Variants in METTL16 observed in about 807,000 individuals in gnomAD.
The protein encoded by METTL16 is RNA N(6)-adenosine-methyltransferase METTL16.
A neutral mutation model predicts 57.9 loss-of-function variants in METTL16; 19 were observed. The observed-to-expected ratio is 0.33, with a 90% CI of 0.23 to 0.48. The LOEUF (loss-of-function observed/expected upper bound fraction) is 0.48, where lower values mean the gene tolerates loss of function less well. Among genes scored for constraint, METTL16 ranks in the 20% least tolerant of loss-of-function variants. METTL16 has a pLI of 0.99. For missense variants in METTL16, 434 were observed against 691.5 expected (o/e 0.63, Z 4.18); for synonymous variants, 246 against 255.6 (o/e 0.96, Z 0.36).
chr17:2,473,661 G>A lies in METTL16; in HGVS notation c.332C>T (p.Thr111Met), dbSNP rs775734797. ...STLRRGIDIG[T>M]GASCIYPLLG... ...TAAGGGGTAGATGCAAGATGCCCCC[G>A]TGCCTAATAAAATAAAAATACAAAA... The change falls in exon 4 of 10, where the codon ACG becomes ATG. Residue 111 changes from threonine to methionine, a missense_variant. By Grantham distance (81) the Thr-to-Met change is moderately conservative. Transcript: ENST00000263092. 71 of 1,610,672 alleles carry A rather than the reference G, an allele frequency of 4.4e-5. No homozygotes were observed. The Admixed American group carries it at 5.6e-4, about 13-fold the overall frequency.
Position 2,418,654 on chromosome 17 carries a change from AG to A in METTL16, c.*1315del, listed in dbSNP as rs1176827773. The A allele has an allele frequency of 6.6e-6, 1 of 152,424 alleles. No homozygotes were observed. Among genetic ancestry groups the A allele is most frequent in the Admixed American group, 6.5e-5 (1 of 15,278 alleles). 9.4% of individuals were successfully genotyped at this position (152,424 alleles called of 1,614,324 possible). On this transcript the variant is annotated 3_prime_UTR_variant, in exon 10 of 10. Coordinates refer to ENST00000263092, the MANE Select transcript of METTL16 (RefSeq NM_024086.4). ...CTGCCTTCTCCAGCTCCAGCTCCAC[AG>A]CCAAGTTAAGGCACAGCAGTTCCGC...
chr17:2,494,790 G>A (rs1306841807), intron 2 of METTL16, among the ~76,000 whole-genome samples: 4 of 151,914 alleles, frequency 2.6e-5, no homozygotes, highest in African/African-American at 7.3e-5. Context: ...ATGAGGTCAG[G>A]AGATCGAGAC....
chr17:2,486,356 A>C (rs1423690411), intron 2 of METTL16, among the ~76,000 whole-genome samples: 1 of 150,718 alleles, frequency 6.6e-6, no homozygotes, highest in South Asian at 2.1e-4. Flanking sequence ...ATTGCAACTT[A>C]CGCCTCCCGG....
At chr17:2,440,877 T>C (rs554930125) in intron 7 of METTL16, among the ~76,000 whole-genome samples, 23 of 142,352 alleles carry the variant, frequency 1.6e-4, no homozygotes, top group East Asian at 8.2e-4. Flanking sequence ...GAGGCTGAGG[T>C]AGGAGGATGG....
In METTL16 at chr17:2,420,409, C is replaced by T. The variant is rs2066755829; in HGVS notation, c.1250G>A (p.Gly417Asp). Reference sequence around the variant, plus strand: ...GCCCCTGGCCAGTTCTTGGCTATTGCCAGACTCTTTGGGGGTGGGCTTTTT... The same window carrying T: ...GCCCCTGGCCAGTTCTTGGCTATTGTCAGACTCTTTGGGGGTGGGCTTTTT... Reference protein sequence around the residue: ...EEKKPTPKESGNSQELARGPQ... With the variant: ...EEKKPTPKESDNSQELARGPQ... Residue 417 changes from glycine to aspartate, a missense_variant, in exon 10 of 10, where the codon GGC becomes GAC. By Grantham distance (94) the Gly-to-Asp change is moderately conservative. Transcript: ENST00000263092. The surrounding 1 kb of genome is among the most constrained non-coding windows in gnomAD (Gnocchi z 5.4). The T allele has an allele frequency of 6.2e-7, 1 of 1,613,958 alleles. No individual in the cohort carries two copies. The highest frequency in any genetic ancestry group is 8.5e-7 in the Non-Finnish European group (1 of 1,180,020).
chr17:2,501,285 C>T (rs1317465934), intron 2 of METTL16, among the ~76,000 whole-genome samples: 2 of 151,948 alleles, frequency 1.3e-5, no homozygotes, highest in Non-Finnish European at 2.9e-5. Context: ...ATAAAAATAG[C>T]TAAGCATGGT....
intron 2 of METTL16, among the ~76,000 whole-genome samples, chr17:2,491,840 A>T (rs889432861): frequency 5.1e-5 from 7 of 138,394 alleles, no homozygotes; most frequent in Non-Finnish European, 1.1e-4. Context: ...GCGCCACTGC[A>T]CTCCAGCCTG....
intron 2 of METTL16, among the ~76,000 whole-genome samples, chr17:2,484,290 G>C (rs921314738): frequency 3.3e-5 from 5 of 152,180 alleles, no homozygotes; most frequent in Admixed American, 3.3e-4. Context: ...ACAAGATAAA[G>C]AGCTTGTGCC....
chr17:2,420,528 G>T lies in METTL16; in HGVS notation c.1131C>A (p.Ser377=). 6.2e-7 allele frequency: 1 copy of T among 1,613,808 alleles called. No homozygotes were observed. The change falls in exon 10 of 10, where the codon TCC becomes TCA. Residue 377 remains serine (S), a synonymous_variant. Transcript: ENST00000263092. The surrounding 1 kb of genome is among the most constrained non-coding windows in gnomAD (Gnocchi z 5.4). ...VSLFLTAIEN[S]WIHLRRKKRE... is the part of the protein sequence containing the mutation. ...TTTTCTTTCTCCTTAAATGAATCCAGGAGTTTTCTATGGCCGTTAGGAAAA... is the reference window on the plus strand; with the variant it reads ...TTTTCTTTCTCCTTAAATGAATCCATGAGTTTTCTATGGCCGTTAGGAAAA...
In METTL16 at chr17:2,419,728, G is replaced by C; in HGVS notation, c.*242C>G. 4 of 675,084 alleles carry C rather than the reference G, an allele frequency of 5.9e-6. No individual in the cohort carries two copies. The highest frequency in any genetic ancestry group is 2.4e-4 in the Middle Eastern group (1 of 4,238). 41.8% of individuals were successfully genotyped at this position (675,084 alleles called of 1,614,324 possible). On this transcript the variant is annotated 3_prime_UTR_variant, in exon 10 of 10. Transcript: ENST00000263092. ...TTGCAATCCCTCGGGAGTTTACTGAGGGCTTTCTGTTGTTACTGATGACCA... is the reference window on the plus strand; with the variant it reads ...TTGCAATCCCTCGGGAGTTTACTGACGGCTTTCTGTTGTTACTGATGACCA...
chr17:2,504,007 T>C (rs186428643), intron 1 of METTL16, among the ~76,000 whole-genome samples: 2 of 152,276 alleles, frequency 1.3e-5, no homozygotes, highest in East Asian at 3.9e-4. Flanking sequence ...GAAAATACGG[T>C]ATATACATAC....
At chr17:2,502,092 C>T in intron 2 of METTL16, 112 bp downstream of exon 2, 4 of 1,117,198 alleles carry the variant, frequency 3.6e-6, no homozygotes, top group South Asian at 1.5e-5. Flanking sequence ...TGTCCAAGGT[C>T]GCATGGGACG....
At chr17:2,490,704 C>A (rs1330191224) in intron 2 of METTL16, among the ~76,000 whole-genome samples, 4 of 152,148 alleles carry the variant, frequency 2.6e-5, no homozygotes, top group African/African-American at 9.7e-5. Context: ...ACAGCAATCA[C>A]CAAAAGATAG....
intron 8 of METTL16, among the ~76,000 whole-genome samples, chr17:2,422,168 T>G (rs1466483240): frequency 6.6e-6 from 1 of 151,550 alleles, no homozygotes; most frequent in Non-Finnish European, 1.5e-5. Flanking sequence ...AAAAATTAGC[T>G]GGGCATGGGG....
chr17:2,492,083 T>C (rs112263160), intron 2 of METTL16, among the ~76,000 whole-genome samples: 11,131 of 141,948 alleles, frequency 0.078, 512 homozygotes, highest in African/African-American at 0.13. Flanking sequence ...TGGTGGCGGG[T>C]GCCTGTAGTC....
chr17:2,444,318 T>G (rs1292541705), intron 6 of METTL16, among the ~76,000 whole-genome samples: 1 of 152,028 alleles, frequency 6.6e-6, no homozygotes, highest in African/African-American at 2.4e-5. Context: ...GATGTGGTGG[T>G]GGGCATCTAT....
intron 2 of METTL16, among the ~76,000 whole-genome samples, chr17:2,492,480 G>C (rs1031902535): frequency 2.0e-5 from 3 of 152,136 alleles, no homozygotes; most frequent in African/African-American, 7.2e-5. Flanking sequence ...CATGAACTCA[G>C]TGTCCATAGA....
At chr17:2,465,237 T>G (rs1033502722) in intron 5 of METTL16, among the ~76,000 whole-genome samples, 5 of 152,006 alleles carry the variant, frequency 3.3e-5, no homozygotes, top group African/African-American at 1.2e-4. Context: ...CCCACTAGGA[T>G]GGCTATAATC....
intron 8 of METTL16, among the ~76,000 whole-genome samples, chr17:2,427,952 C>A (rs1284342334): frequency 1.8e-4 from 23 of 127,254 alleles, no homozygotes; most frequent in Middle Eastern, 4.2e-3. Context: ...CATCTTTACC[C>A]AAAAAAAAAA....
Sources: gnomAD v4.1 joint callset for allele counts (sites outside exome capture counted in the v4.1 genomes callset) on GRCh38, gnomAD v4.1.1 for gene constraint, Gnocchi (gnomAD v3.1) non-coding constraint, MANE v1.5 for transcripts, NCBI Gene and HGNC (gene_info 2026-07-23, HGNC 2026-07-21) for gene names.